Variants in FAP observed in about 807,000 individuals in gnomAD.
FAP encodes prolyl endopeptidase FAP.
FAP carries 110 observed loss-of-function variants against 126.5 expected under a neutral mutation model. That is an observed-to-expected ratio of 0.87 (90% CI 0.74 to 1.02). The LOEUF (loss-of-function observed/expected upper bound fraction) is 1.02. Ranked by LOEUF, FAP falls within the 50% of genes least tolerant of loss-of-function variation. The pLI is 0.00. For synonymous variants in FAP, 334 were observed against 297.3 expected (o/e 1.12, Z -1.27); for missense variants, 919 against 909.2 (o/e 1.01, Z -0.14).
At chr2:162,189,244 C>G in intron 18 of FAP, 72 bp from the exon 19 acceptor site, 1 of 790,560 alleles carries the variant, frequency 1.3e-6, no homozygotes. Context: ...TCTTTAATAA[C>G]AATATATGCA....
At chr2:162,191,726 T>C (rs1186943773) in intron 17 of FAP, among the ~76,000 whole-genome samples, 3 of 152,126 alleles carry the variant, frequency 2.0e-5, no homozygotes. Context: ...TAAGGGCATG[T>C]CATGAATTGA....
chr2:162,182,294 C>T (rs1242627425), intron 21 of FAP, among the ~76,000 whole-genome samples: 2 of 152,128 alleles, frequency 1.3e-5, no homozygotes, highest in Non-Finnish European at 2.9e-5. Flanking sequence ...TTAATGATTA[C>T]ATGTACATGT....
chr2:162,170,747 C>T lies in FAP; in HGVS notation c.*232G>A. 2.2e-6 allele frequency: 1 copy of T among 454,928 alleles called. No individual in the cohort carries two copies. Among genetic ancestry groups the T allele is most frequent in the Non-Finnish European group, 3.9e-6 (1 of 253,340 alleles). 28.2% of individuals were successfully genotyped at this position (454,928 alleles called of 1,614,324 possible). On this transcript the variant is annotated 3_prime_UTR_variant, in exon 26 of 26. Transcript: ENST00000188790. ...TGAACAGGTGATAAAACACTGTGTC[C>T]AAAGCAAAATGCATGACTCCCTTTT...
intron 6 of FAP, among the ~76,000 whole-genome samples, chr2:162,222,120 A>C (rs1689429755): frequency 6.6e-6 from 1 of 152,236 alleles, no homozygotes; most frequent in Admixed American, 6.5e-5. Context: ...TAGGATTATC[A>C]TCTTTTTGAA....
At chr2:162,181,843 T>C (rs536763823) in intron 21 of FAP, among the ~76,000 whole-genome samples, 133 of 152,360 alleles carry the variant, frequency 8.7e-4, no homozygotes, top group African/African-American at 3.0e-3. Flanking sequence ...ATTAGACAGA[T>C]GGATTAATAA....
intron 18 of FAP, 101 bp from the exon 19 acceptor site, chr2:162,189,273 T>A: frequency 1.7e-6 from 1 of 602,396 alleles, no homozygotes; most frequent in Non-Finnish European, 2.8e-6. Context: ...AATTTTCAAC[T>A]ACTAAATTGT....
chr2:162,199,232 C>A (rs1048228664), intron 15 of FAP, among the ~76,000 whole-genome samples: 21 of 152,216 alleles, frequency 1.4e-4, no homozygotes, highest in Non-Finnish European at 1.9e-4. Context: ...GTCTTTCTAT[C>A]TCTCTGTTTC....
At chr2:162,240,375 T>C (rs1690297907) in intron 2 of FAP, among the ~76,000 whole-genome samples, 1 of 152,248 alleles carries the variant, frequency 6.6e-6, no homozygotes, top group South Asian at 2.1e-4. Flanking sequence ...ATCCTGAAGC[T>C]GGTTCTCCTG....
In FAP at chr2:162,243,374, G is replaced by A; in HGVS notation, c.-47C>T. The A allele has an allele frequency of 6.2e-7, 1 of 1,603,926 alleles. No individual in the cohort carries two copies. Among genetic ancestry groups the A allele is most frequent in the African/African-American group, 1.3e-5 (1 of 74,322 alleles). Reference sequence around the variant, plus strand: ...TTAGCTAATTCTGTCTTCAGAGCGTGGGTCACTGGATCTGTGAAAACCGTT... The same window carrying A: ...TTAGCTAATTCTGTCTTCAGAGCGTAGGTCACTGGATCTGTGAAAACCGTT... On this transcript the variant is annotated 5_prime_UTR_variant, in exon 1 of 26. Coordinates refer to ENST00000188790, the MANE Select transcript of FAP (RefSeq NM_004460.5).
At chr2:162,209,712 T>C in intron 12 of FAP, 1 of 473,308 alleles carries the variant, frequency 2.1e-6, no homozygotes, top group Middle Eastern at 5.7e-4. Context: ...AAGGATTCAG[T>C]TGACAAACTT....
chr2:162,219,295 G>A, intron 7 of FAP, 112 bp from the exon 8 acceptor site: 1 of 1,002,990 alleles, frequency 1.0e-6, no homozygotes, highest in Non-Finnish European at 1.4e-6. Context: ...ATACAAAAAA[G>A]ATTCACAACT....
chr2:162,231,658 T>C (rs1304044670), intron 2 of FAP, among the ~76,000 whole-genome samples: 3 of 152,236 alleles, frequency 2.0e-5, no homozygotes, highest in Admixed American at 2.0e-4. Flanking sequence ...TCCAAGAAAT[T>C]ACAATTCACA....
At chr2:162,210,545 T>C (rs1002458464) in intron 11 of FAP, among the ~76,000 whole-genome samples, 2 of 152,112 alleles carry the variant, frequency 1.3e-5, no homozygotes, top group African/African-American at 4.8e-5. Flanking sequence ...ACCCAACAGA[T>C]GGTTCAGTAT....
rs79076496 is a variant in FAP at position 162,188,548 on chromosome 2, T to C, written c.1620-185A>G. Among the ~76,000 whole-genome samples the C allele has an allele frequency of 3.7e-3, 556 of 152,104 alleles. 4 individuals carry two copies. The highest frequency in any genetic ancestry group is 6.9e-3 in the Non-Finnish European group (466 of 67,944). ...CCAGAGGTTTGCTACAAGGAAGTTG[T>C]TTTGGGACACAGCCTCTCCTATTCC... On this transcript the variant is annotated intron_variant, in intron 19 of 25. Coordinates refer to ENST00000188790, the MANE Select transcript of FAP (RefSeq NM_004460.5).
chr2:162,237,894 C>G (rs995326443), intron 2 of FAP, among the ~76,000 whole-genome samples: 3 of 152,184 alleles, frequency 2.0e-5, no homozygotes, highest in Non-Finnish European at 4.4e-5. Context: ...ACCATTCTAA[C>G]TGGCATGAGA....
chr2:162,192,456 A>C (rs1688083092), intron 17 of FAP, among the ~76,000 whole-genome samples: 1 of 151,892 alleles, frequency 6.6e-6, no homozygotes, highest in Non-Finnish European at 1.5e-5. Context: ...TCTCCTCTCC[A>C]GGCTCATTTT....
chr2:162,241,411 C>T (rs1690339875), intron 2 of FAP, among the ~76,000 whole-genome samples: 1 of 152,128 alleles, frequency 6.6e-6, no homozygotes, highest in African/African-American at 2.4e-5. Context: ...TATCTCTATA[C>T]ATCATTTGTA....
chr2:162,223,476 T>C, intron 6 of FAP, 132 bp downstream of exon 6: 3 of 639,826 alleles, frequency 4.7e-6, no homozygotes, highest in Non-Finnish European at 5.6e-6. Context: ...GGTACATACA[T>C]ACTGTATTAC....
chr2:162,221,598 ATAC>A (rs1460659203), intron 6 of FAP: 2 of 449,854 alleles, frequency 4.4e-6, no homozygotes, highest in Non-Finnish European at 8.9e-6. Context: ...GTTACCTTTC[ATAC>A]TGTAACATTG....
Sources: allele counts gnomAD v4.1 joint callset (sites outside exome capture counted in the v4.1 genomes callset), GRCh38; gene constraint gnomAD v4.1.1; transcripts MANE v1.5; gene names NCBI Gene and HGNC (gene_info 2026-07-23, HGNC 2026-07-21).